Variants in SDK1 observed in about 807,000 individuals in gnomAD.
SDK1 encodes protein sidekick-1.
SDK1 carries 157 observed loss-of-function variants against 245.5 expected under a neutral mutation model. The observed-to-expected ratio is 0.64, with a 90% CI of 0.56 to 0.73. The LOEUF (loss-of-function observed/expected upper bound fraction) is 0.73, where lower values mean the gene tolerates loss of function less well. SDK1 is among the 30% of genes least tolerant of loss of function. The probability of loss-of-function intolerance (pLI) is 0.00; values close to 1 mark genes in which losing one functional copy is unlikely to be tolerated. For synonymous variants in SDK1, 1,647 were observed against 1,278.5 expected (o/e 1.29, Z -6.15); for missense variants, 3,583 against 3,002.3 (o/e 1.19, Z -4.52).
intron 5 of SDK1, among the ~76,000 whole-genome samples, chr7:3,944,109 C>T (rs1780481013): frequency 1.3e-5 from 2 of 152,190 alleles, no homozygotes; most frequent in South Asian, 2.1e-4. Flanking sequence ...CTTAACAGAG[C>T]ACAACCAGTG....
chr7:3,403,626 C>T (rs1177599886), intron 1 of SDK1, among the ~76,000 whole-genome samples: 1 of 151,060 alleles, frequency 6.6e-6, no homozygotes, highest in African/African-American at 2.4e-5. Context: ...AGCACAAATA[C>T]AATAAGATAT....
At chr7:3,389,132 G>C (rs73296343) in intron 1 of SDK1, among the ~76,000 whole-genome samples, 9 of 152,088 alleles carry the variant, frequency 5.9e-5, no homozygotes, top group Admixed American at 1.3e-4. Context: ...GTAAAGGAGT[G>C]GGGGGAGAAT....
At chr7:3,974,304 A>G (rs1324819119) in intron 12 of SDK1, 65 bp from the exon 13 acceptor site, 4 of 1,418,894 alleles carry the variant, frequency 2.8e-6, no homozygotes, top group Non-Finnish European at 3.9e-6. Context: ...TTTAAGAGAC[A>G]GGGAAGGAGC....
intron 13 of SDK1, among the ~76,000 whole-genome samples, chr7:3,978,525 G>A (rs564008298): frequency 6.6e-6 from 1 of 152,156 alleles, no homozygotes; most frequent in Non-Finnish European, 1.5e-5. Context: ...GTTGTTCCTC[G>A]TGAATTGTTA....
At chr7:3,725,749 G>A (rs114514484) in intron 4 of SDK1, among the ~76,000 whole-genome samples, 1 of 152,152 alleles carries the variant, frequency 6.6e-6, no homozygotes, top group African/African-American at 2.4e-5. Flanking sequence ...GAAGAAAATT[G>A]CTAGTACCAG....
chr7:3,535,883 T>C (rs561741223), intron 1 of SDK1, among the ~76,000 whole-genome samples: 1 of 152,322 alleles, frequency 6.6e-6, no homozygotes, highest in East Asian at 1.9e-4. Flanking sequence ...AGGCACTATA[T>C]CATTTTTTCT....
chr7:3,861,061 A>C (rs1485282778), intron 5 of SDK1, among the ~76,000 whole-genome samples: 1 of 152,208 alleles, frequency 6.6e-6, no homozygotes. Context: ...CGACACGATT[A>C]TAATGATGAA....
chr7:3,587,238 TAG>T (rs1780720281), intron 1 of SDK1, among the ~76,000 whole-genome samples: 1 of 152,076 alleles, frequency 6.6e-6, no homozygotes, highest in Admixed American at 6.5e-5. Context: ...AGAGGGGATT[TAG>T]AGTTTGAGAT....
chr7:3,680,276 C>T (rs892287211), intron 4 of SDK1, among the ~76,000 whole-genome samples: 3 of 151,986 alleles, frequency 2.0e-5, no homozygotes, highest in African/African-American at 2.4e-5. Flanking sequence ...TATTAATGGT[C>T]GCAGGGAGTT....
chr7:4,017,936 G>C (rs543072491), intron 17 of SDK1, among the ~76,000 whole-genome samples: 2 of 152,114 alleles, frequency 1.3e-5, no homozygotes, highest in Non-Finnish European at 2.9e-5. Context: ...GGTGAGATCC[G>C]GGTGCGGCGT....
At chr7:4,166,192 GT>G (rs1562377522) in intron 32 of SDK1, among the ~76,000 whole-genome samples, 1 of 152,234 alleles carries the variant, frequency 6.6e-6, no homozygotes, top group East Asian at 1.9e-4. Context: ...CCAGAGGAGG[GT>G]TACATCTGCC....
intron 41 of SDK1, 23 bp from the exon 42 acceptor site, chr7:4,237,624 G>T: frequency 1.2e-6 from 2 of 1,614,076 alleles, no homozygotes; most frequent in Non-Finnish European, 8.5e-7. Flanking sequence ...CCATGTCATT[G>T]TGTGTCCGTG....
At chr7:3,959,149 C>G (rs930844841) in intron 8 of SDK1, 135 bp downstream of exon 8, 18 of 732,022 alleles carry the variant, frequency 2.5e-5, no homozygotes, top group Non-Finnish European at 4.1e-5. Context: ...GAGAGTAGAT[C>G]GGTCTTGGGG....
At chr7:3,659,556 C>G (rs1181841394) in intron 4 of SDK1, among the ~76,000 whole-genome samples, 3 of 152,096 alleles carry the variant, frequency 2.0e-5, no homozygotes, top group Non-Finnish European at 4.4e-5. Context: ...GGTACATTCT[C>G]CGAGGAGAGT....
intron 5 of SDK1, among the ~76,000 whole-genome samples, chr7:3,875,485 G>A (rs149087764): frequency 1.4e-4 from 21 of 152,318 alleles, no homozygotes; most frequent in African/African-American, 4.6e-4. Flanking sequence ...AAAGGCTCTC[G>A]GAGCGAGTTT....
intron 1 of SDK1, among the ~76,000 whole-genome samples, chr7:3,322,648 A>G (rs1779846312): frequency 6.6e-6 from 1 of 152,136 alleles, no homozygotes; most frequent in Non-Finnish European, 1.5e-5. Flanking sequence ...TCCTTTTTTA[A>G]AAAAAATTCA....
At chr7:4,117,313 C>G (rs749107170) in intron 25 of SDK1, among the ~76,000 whole-genome samples, 1 of 152,020 alleles carries the variant, frequency 6.6e-6, no homozygotes, top group Admixed American at 6.5e-5. Context: ...ACAAAAAATA[C>G]AAAAATTAGC....
At chr7:3,615,206 C>G (rs1253987098) in intron 1 of SDK1, among the ~76,000 whole-genome samples, 1 of 151,526 alleles carries the variant, frequency 6.6e-6, no homozygotes, top group Non-Finnish European at 1.5e-5. Flanking sequence ...TGTTGTTAAA[C>G]AGAGTGCAAA....
chr7:3,305,990 G>C (rs562189403), intron 1 of SDK1, among the ~76,000 whole-genome samples: 1 of 152,298 alleles, frequency 6.6e-6, no homozygotes, highest in Non-Finnish European at 1.5e-5. Context: ...GGTGATGCCA[G>C]AATGAAAAGT....
Sources: allele counts gnomAD v4.1 joint callset (sites outside exome capture counted in the v4.1 genomes callset), GRCh38; gene constraint gnomAD v4.1.1; transcripts MANE v1.5; gene names NCBI Gene and HGNC (gene_info 2026-07-23, HGNC 2026-07-21).